ANKS1B: variants seen among roughly 807,000 people sequenced by gnomAD.
The protein encoded by ANKS1B is ankyrin repeat and sterile alpha motif domain-containing protein 1B.
ANKS1B carries 36 observed loss-of-function variants against 148.3 expected under a neutral mutation model. The ratio of observed to expected loss-of-function variants is 0.24; its 90% CI spans 0.19 to 0.32. The LOEUF (loss-of-function observed/expected upper bound fraction) is 0.32. Among genes scored for constraint, ANKS1B ranks in the 10% least tolerant of loss-of-function variants. The probability of loss-of-function intolerance (pLI) is 1.00; values close to 1 mark genes in which losing one functional copy is unlikely to be tolerated. For synonymous variants in ANKS1B, 542 were observed against 560.8 expected (o/e 0.97, Z 0.47); for missense variants, 1,157 against 1,542.6 (o/e 0.75, Z 4.19).
intron 10 of ANKS1B, among the ~76,000 whole-genome samples, chr12:99,502,417 T>C (rs1478489885): frequency 6.6e-6 from 1 of 152,204 alleles, no homozygotes; most frequent in Non-Finnish European, 1.5e-5. Flanking sequence ...GTTTACACTA[T>C]TCTATTATAA....
chr12:99,215,644 C>T (rs769885863), intron 14 of ANKS1B, among the ~76,000 whole-genome samples: 12 of 152,286 alleles, frequency 7.9e-5, no homozygotes, highest in South Asian at 2.1e-4. Flanking sequence ...GTTTAATGAC[C>T]GCCCTATTGG....
intron 4 of ANKS1B, among the ~76,000 whole-genome samples, chr12:99,791,709 T>C (rs1309359851): frequency 2.0e-5 from 3 of 151,678 alleles, no homozygotes; most frequent in Non-Finnish European, 4.4e-5. Flanking sequence ...TGAAATAAGT[T>C]CATGGAAACA....
rs147373219 is a variant in ANKS1B, at chr12:99,869,606, G to A, written c.135-44217C>T. On this transcript the variant is annotated intron_variant, in intron 1 of 26. Transcript: ENST00000683438. The stretch of plus-strand genomic sequence containing the variant: ...TGAGGCAGGAGAATCACTTGAACCC[G>A]AGAGGCAAAGGTTGTGGTGGGCCAA... 1.2e-3 allele frequency among the ~76,000 whole-genome samples: 185 copies of A among 151,682 alleles called. 1 individual carries two copies. Among genetic ancestry groups the A allele is most frequent in the African/African-American group, 3.7e-3 (155 of 41,356 alleles).
At chr12:99,630,673 T>C (rs1241673127) in intron 9 of ANKS1B, among the ~76,000 whole-genome samples, 1 of 152,226 alleles carries the variant, frequency 6.6e-6, no homozygotes, top group Non-Finnish European at 1.5e-5. Context: ...GTAATCACTT[T>C]TCTCAAGGAA....
At chr12:99,052,321 A>C (rs1178911813) in intron 17 of ANKS1B, among the ~76,000 whole-genome samples, 1 of 152,240 alleles carries the variant, frequency 6.6e-6, no homozygotes, top group Non-Finnish European at 1.5e-5. Context: ...AAACAGAGAC[A>C]ACGTAAGATT....
intron 12 of ANKS1B, among the ~76,000 whole-genome samples, chr12:99,310,910 C>A (rs1399215424): frequency 6.6e-6 from 1 of 152,156 alleles, no homozygotes; most frequent in African/African-American, 2.4e-5. Context: ...TGACTCTCAG[C>A]AAGTTATTTA....
intron 19 of ANKS1B, among the ~76,000 whole-genome samples, chr12:98,820,972 AAAT>A (rs2099184559): frequency 1.3e-5 from 2 of 152,260 alleles, no homozygotes; most frequent in Non-Finnish European, 2.9e-5. Context: ...AGTTATCTCA[AAAT>A]AATAACAATA....
intron 14 of ANKS1B, among the ~76,000 whole-genome samples, chr12:99,241,081 A>T (rs996796514): frequency 1.3e-5 from 2 of 152,214 alleles, no homozygotes; most frequent in African/African-American, 4.8e-5. Flanking sequence ...GACACAAAAA[A>T]TCCTTCACAA....
intron 12 of ANKS1B, among the ~76,000 whole-genome samples, chr12:99,260,098 G>A (rs954454090): frequency 3.3e-5 from 5 of 152,038 alleles, no homozygotes; most frequent in Admixed American, 6.6e-5. Flanking sequence ...AACTCAAGTC[G>A]GTTGTTTTCA....
intron 9 of ANKS1B, among the ~76,000 whole-genome samples, chr12:99,532,192 T>C (rs1596468512): frequency 6.6e-6 from 1 of 152,236 alleles, no homozygotes; most frequent in Non-Finnish European, 1.5e-5. Flanking sequence ...CAGAAGCTTT[T>C]TCATTTAATT....
chr12:99,288,716 G>C (rs539985262), intron 12 of ANKS1B, among the ~76,000 whole-genome samples: 36 of 152,110 alleles, frequency 2.4e-4, no homozygotes, highest in African/African-American at 8.7e-4. Context: ...GTTATAAGAT[G>C]TTATTTGCAA....
chr12:99,817,161 TC>T (rs544453572), intron 2 of ANKS1B, among the ~76,000 whole-genome samples: 1,244 of 76,362 alleles, frequency 0.016, 7 homozygotes, highest in Middle Eastern at 0.027. Flanking sequence ...AAATCTCTTC[TC>T]CCCCCCCCCT....
chr12:99,066,458 A>G (rs935588594), intron 16 of ANKS1B, among the ~76,000 whole-genome samples: 2 of 152,182 alleles, frequency 1.3e-5, no homozygotes, highest in African/African-American at 2.4e-5. Flanking sequence ...AAGGAGACCA[A>G]TGGGGTTGGA....
intron 8 of ANKS1B, among the ~76,000 whole-genome samples, chr12:99,723,434 G>A (rs1434539016): frequency 6.6e-6 from 1 of 152,126 alleles, no homozygotes; most frequent in Admixed American, 6.5e-5. Context: ...CTCACTGGGA[G>A]GGGCCTCCCT....
intron 14 of ANKS1B, among the ~76,000 whole-genome samples, chr12:99,240,121 A>G (rs559273695): frequency 1.3e-4 from 20 of 152,326 alleles, no homozygotes; most frequent in African/African-American, 4.3e-4. Flanking sequence ...AGACTGGAAA[A>G]TTGGATAAAG....
intron 1 of ANKS1B, among the ~76,000 whole-genome samples, chr12:99,884,833 T>C (rs766716104): frequency 9.9e-5 from 15 of 152,114 alleles, no homozygotes; most frequent in South Asian, 2.1e-4. Flanking sequence ...GGTTACACGA[T>C]TACATATTTG....
At chr12:99,063,567 G>A (rs570801605) in intron 16 of ANKS1B, among the ~76,000 whole-genome samples, 1 of 152,304 alleles carries the variant, frequency 6.6e-6, no homozygotes, top group East Asian at 1.9e-4. Context: ...CACCATCTGA[G>A]TGCTATCTAC....
At position 99,244,080 on chromosome 12, in the gene ANKS1B, T is replaced by A. The variant is rs768476025; in HGVS notation, c.2419+262A>T. Among the ~76,000 whole-genome samples the A allele has an allele frequency of 3.8e-4, 41 of 108,018 alleles. No individual in the cohort carries two copies. In the Middle Eastern group the frequency reaches 0.018, roughly 47 times the overall value. 70.9% of individuals were successfully genotyped at this position (108,018 alleles called of 152,430 possible). A position where few individuals can be genotyped will look rare whatever the true frequency, so the allele number is the denominator to read the frequency against. ...AATATATTTAAATTAAAAGTATTATTAAAAAATTCTAAAAAAAAAAAAGAA... is the reference window on the plus strand; with the variant it reads ...AATATATTTAAATTAAAAGTATTATAAAAAAATTCTAAAAAAAAAAAAGAA... On this transcript the variant is annotated intron_variant, in intron 14 of 26. Coordinates refer to ENST00000683438, the MANE Select transcript of ANKS1B (RefSeq NM_001352186.2).
At chr12:98,893,620 C>T (rs2099757292) in intron 17 of ANKS1B, 1 of 152,184 alleles carries the variant, frequency 6.6e-6, no homozygotes, top group Non-Finnish European at 1.5e-5. Flanking sequence ...AGCAAGTATC[C>T]TTATAAGTGT....
Sources: allele counts gnomAD v4.1 joint callset (sites outside exome capture counted in the v4.1 genomes callset), GRCh38; gene constraint gnomAD v4.1.1; transcripts MANE v1.5; gene names NCBI Gene and HGNC (gene_info 2026-07-23, HGNC 2026-07-21).